Variants in CNTN4 observed in about 807,000 individuals in gnomAD.
CNTN4 encodes the protein contactin 4, also known as contactin-4.
Under a neutral mutation model 122.5 loss-of-function variants are expected in CNTN4, and 77 were observed. The observed-to-expected ratio is 0.63, with a 90% CI of 0.52 to 0.76. The LOEUF (loss-of-function observed/expected upper bound fraction) is 0.76. CNTN4 is among the 30% of genes least tolerant of loss of function. CNTN4 has a pLI of 0.00. For synonymous variants in CNTN4, 512 were observed against 447.0 expected (o/e 1.15, Z -1.83); for missense variants, 1,256 against 1,259.1 (o/e 1.00, Z 0.04).
chr3:2,720,877 C>G (rs529809281), intron 4 of CNTN4, among the ~76,000 whole-genome samples: 1 of 152,338 alleles, frequency 6.6e-6, no homozygotes, highest in South Asian at 2.1e-4. Context: ...GTCTAAGTAA[C>G]TCACTCAATG....
At chr3:2,652,407 G>A (rs2083403006) in intron 4 of CNTN4, among the ~76,000 whole-genome samples, 1 of 152,148 alleles carries the variant, frequency 6.6e-6, no homozygotes, top group Non-Finnish European at 1.5e-5. Context: ...CTATCCTTAT[G>A]GATCTGCTAA....
chr3:2,609,775 T>G (rs191685850), intron 4 of CNTN4, among the ~76,000 whole-genome samples: 5 of 152,278 alleles, frequency 3.3e-5, no homozygotes, highest in African/African-American at 1.2e-4. Context: ...AATTACATAT[T>G]TTCCATTTTA....
intron 2 of CNTN4, among the ~76,000 whole-genome samples, chr3:2,169,571 G>T (rs144558092): frequency 2.0e-5 from 3 of 150,766 alleles, no homozygotes; most frequent in Non-Finnish European, 4.4e-5. Flanking sequence ...ACGCCCGGCT[G>T]ATTTTTTTGT....
At chr3:2,701,450 T>A (rs1481278433) in intron 4 of CNTN4, among the ~76,000 whole-genome samples, 1 of 152,124 alleles carries the variant, frequency 6.6e-6, no homozygotes, top group African/African-American at 2.4e-5. Flanking sequence ...GCAGTGGTTT[T>A]CCCCCCAGCG....
At chr3:2,818,279 C>G (rs1215163286) in intron 6 of CNTN4, among the ~76,000 whole-genome samples, 1 of 152,206 alleles carries the variant, frequency 6.6e-6, no homozygotes, top group Non-Finnish European at 1.5e-5. Flanking sequence ...TAAGACATGT[C>G]TATATGTAAC....
intron 4 of CNTN4, among the ~76,000 whole-genome samples, chr3:2,672,102 C>G (rs1482079450): frequency 6.6e-6 from 1 of 152,220 alleles, no homozygotes; most frequent in Non-Finnish European, 1.5e-5. Context: ...TCTCAGATCT[C>G]AAGCTGCGTG....
chr3:2,842,353 A>C (rs966530291), intron 7 of CNTN4, among the ~76,000 whole-genome samples: 8 of 152,134 alleles, frequency 5.3e-5, no homozygotes, highest in African/African-American at 1.9e-4. Flanking sequence ...CCAATCTAAG[A>C]TCAACCCCAT....
intron 4 of CNTN4, among the ~76,000 whole-genome samples, chr3:2,616,840 A>T (rs1278534543): frequency 1.3e-5 from 2 of 152,192 alleles, no homozygotes; most frequent in Non-Finnish European, 2.9e-5. Flanking sequence ...AACACCCAAC[A>T]TCTACAACCA....
intron 3 of CNTN4, among the ~76,000 whole-genome samples, chr3:2,426,144 C>A (rs2047823424): frequency 6.6e-6 from 1 of 152,098 alleles, no homozygotes; most frequent in Admixed American, 6.5e-5. Context: ...CTGTCTTGTG[C>A]CAGTTTGCAA....
chr3:2,734,468 C>T (rs2088932548), intron 4 of CNTN4, among the ~76,000 whole-genome samples: 2 of 152,120 alleles, frequency 1.3e-5, no homozygotes, highest in South Asian at 2.1e-4. Flanking sequence ...TTCCTGAGGT[C>T]CTGGAGTTAG....
intron 4 of CNTN4, among the ~76,000 whole-genome samples, chr3:2,650,780 A>G (rs1363130934): frequency 1.3e-5 from 2 of 152,234 alleles, no homozygotes; most frequent in East Asian, 1.9e-4. Context: ...TTTTTTAGAC[A>G]TAATGCTATT....
chr3:2,260,591 A>T (rs1413075740), intron 2 of CNTN4, among the ~76,000 whole-genome samples: 2 of 152,076 alleles, frequency 1.3e-5, no homozygotes, highest in Non-Finnish European at 2.9e-5. Flanking sequence ...GTGAAAGCTC[A>T]CTCATACAGA....
intron 2 of CNTN4, among the ~76,000 whole-genome samples, chr3:2,134,952 G>A (rs73806308): frequency 6.6e-6 from 1 of 152,086 alleles, no homozygotes; most frequent in East Asian, 1.9e-4. Flanking sequence ...ACACCCAGAA[G>A]TACATTTGAC....
In CNTN4 at chr3:2,120,398, TA is replaced by T. The variant is rs1408658860; in HGVS notation, c.-145+19760del. 9.2e-3 allele frequency among the ~76,000 whole-genome samples: 295 copies of T among 31,994 alleles called. 7 individuals carry two copies. The highest frequency in any genetic ancestry group is 0.022 in the African/African-American group (252 of 11,522). The allele number at this position is 31,994 out of a possible 152,430, so 21.0% of individuals were successfully genotyped here. A position where few individuals can be genotyped will look rare whatever the true frequency, so the allele number is the denominator to read the frequency against. ...AAATATATATATATATATATATATA[TA>T]TATATATTTTTTTTTTTTTTTTTAT... On this transcript the variant is annotated intron_variant, in intron 2 of 24. Coordinates refer to ENST00000418658, the MANE Select transcript of CNTN4 (RefSeq NM_175607.3).
chr3:2,630,869 A>G (rs2082402363), intron 4 of CNTN4, among the ~76,000 whole-genome samples: 1 of 152,182 alleles, frequency 6.6e-6, no homozygotes, highest in Non-Finnish European at 1.5e-5. Context: ...ACCTGGGTGA[A>G]GACAGGCATT....
intron 10 of CNTN4, among the ~76,000 whole-genome samples, chr3:2,891,183 G>A (rs2094035623): frequency 6.6e-6 from 1 of 152,150 alleles, no homozygotes; most frequent in Non-Finnish European, 1.5e-5. Context: ...AGGTTGATTG[G>A]CCAGGTGCAG....
intron 4 of CNTN4, among the ~76,000 whole-genome samples, chr3:2,720,121 T>C (rs78999900): frequency 0.014 from 2,207 of 152,248 alleles, 53 homozygotes; most frequent in African/African-American, 0.05. Context: ...GTGTACAGAA[T>C]GCTTTGAAAG....
chr3:2,194,572 C>T (rs1023030522), intron 2 of CNTN4, among the ~76,000 whole-genome samples: 4 of 152,236 alleles, frequency 2.6e-5, no homozygotes, highest in Non-Finnish European at 4.4e-5. Flanking sequence ...CCTCACCACC[C>T]GTCCCTCAGA....
chr3:2,759,548 C>A (rs185966359), intron 6 of CNTN4, among the ~76,000 whole-genome samples: 16 of 152,168 alleles, frequency 1.1e-4, no homozygotes, highest in Admixed American at 2.6e-4. Flanking sequence ...GTTCTTTTTA[C>A]TTTTTAGCTA....
Sources: allele counts gnomAD v4.1 joint callset (sites outside exome capture counted in the v4.1 genomes callset), GRCh38; gene constraint gnomAD v4.1.1; transcripts MANE v1.5; gene names NCBI Gene and HGNC (gene_info 2026-07-23, HGNC 2026-07-21).